Variants in ITGA9 observed in about 807,000 individuals in gnomAD.
The protein encoded by ITGA9 is integrin alpha-9.
A neutral mutation model predicts 127.8 loss-of-function variants in ITGA9; 56 were observed. The observed-to-expected ratio is 0.44, with a 90% confidence interval of 0.35 to 0.55. The LOEUF (loss-of-function observed/expected upper bound fraction) is 0.55. ITGA9 is among the 20% of genes least tolerant of loss of function. The pLI is 0.00. For synonymous variants in ITGA9, 508 were observed against 514.5 expected (o/e 0.99, Z 0.17); for missense variants, 1,196 against 1,347.1 (o/e 0.89, Z 1.76).
At chr3:37,703,000 G>A (rs563220475) in intron 18 of ITGA9, among the ~76,000 whole-genome samples, 87 of 152,172 alleles carry the variant, frequency 5.7e-4, no homozygotes, top group Admixed American at 1.9e-3. Context: ...AGGTGTTGGG[G>A]TAAATAGAGA....
chr3:37,732,605 C>A, intron 18 of ITGA9, 107 bp from the exon 19 acceptor site: 1 of 819,136 alleles, frequency 1.2e-6, no homozygotes, highest in South Asian at 1.5e-5. Context: ...CCCACTGGTG[C>A]CTACCGTCTG....
chr3:37,483,177 T>C (rs1311165446), intron 4 of ITGA9, among the ~76,000 whole-genome samples: 1 of 152,156 alleles, frequency 6.6e-6, no homozygotes, highest in African/African-American at 2.4e-5. Context: ...TCCCAGAAGA[T>C]GACATGTTGT....
chr3:37,815,342 C>T (rs1216874137), intron 27 of ITGA9, among the ~76,000 whole-genome samples: 1 of 152,228 alleles, frequency 6.6e-6, no homozygotes, highest in Non-Finnish European at 1.5e-5. Context: ...GGCGCGGTGG[C>T]TCACGCCTGT....
intron 23 of ITGA9, among the ~76,000 whole-genome samples, chr3:37,756,578 C>T (rs1335207908): frequency 6.6e-6 from 1 of 152,172 alleles, no homozygotes; most frequent in East Asian, 1.9e-4. Flanking sequence ...TAGGAAGTTA[C>T]CTTAACTCCC....
chr3:37,468,006 T>G (rs1021227990), intron 1 of ITGA9, among the ~76,000 whole-genome samples: 2 of 152,170 alleles, frequency 1.3e-5, no homozygotes, highest in Admixed American at 1.3e-4. Flanking sequence ...TGTACGTCAT[T>G]GTGCATTTGA....
chr3:37,642,507 C>G (rs1392473538), intron 16 of ITGA9, among the ~76,000 whole-genome samples: 2 of 152,212 alleles, frequency 1.3e-5, no homozygotes, highest in African/African-American at 4.8e-5. Flanking sequence ...AGAGCTTCTT[C>G]ACTAGCAGAT....
intron 15 of ITGA9, among the ~76,000 whole-genome samples, chr3:37,566,751 A>C (rs1410033627): frequency 6.6e-6 from 1 of 152,220 alleles, no homozygotes; most frequent in African/African-American, 2.4e-5. Flanking sequence ...TGACTGTCTC[A>C]TGAAATAGTG....
At chr3:37,816,539 T>G (rs1314673389) in intron 27 of ITGA9, among the ~76,000 whole-genome samples, 2 of 152,218 alleles carry the variant, frequency 1.3e-5, no homozygotes, top group African/African-American at 4.8e-5. Context: ...TTTCAAGCAG[T>G]AGCTTCTTAG....
At chr3:37,789,902 AT>A in intron 26 of ITGA9, 1 of 658,716 alleles carries the variant, frequency 1.5e-6, no homozygotes, top group Non-Finnish European at 2.5e-6. Flanking sequence ...CACATAGGAA[AT>A]TTTTGTGATT....
intron 15 of ITGA9, among the ~76,000 whole-genome samples, chr3:37,584,082 C>A (rs1252110654): frequency 6.6e-6 from 1 of 152,172 alleles, no homozygotes; most frequent in Non-Finnish European, 1.5e-5. Flanking sequence ...TAACAAACTG[C>A]CCCACAACTC....
intron 8 of ITGA9, among the ~76,000 whole-genome samples, chr3:37,511,452 A>G (rs975856773): frequency 2.6e-5 from 4 of 152,254 alleles, no homozygotes; most frequent in Non-Finnish European, 4.4e-5. Flanking sequence ...TCACATATAG[A>G]GATTTCTAAT....
At chr3:37,557,098 T>G (rs1033523575) in intron 15 of ITGA9, among the ~76,000 whole-genome samples, 2 of 152,240 alleles carry the variant, frequency 1.3e-5, no homozygotes, top group African/African-American at 4.8e-5. Context: ...GTCAGAAATC[T>G]ATTTCCCCTT....
chr3:37,625,925 A>G (rs1346680536), intron 15 of ITGA9, among the ~76,000 whole-genome samples: 11 of 152,148 alleles, frequency 7.2e-5, no homozygotes, highest in Admixed American at 6.5e-4. Flanking sequence ...GGGACATGTA[A>G]TAAGAAGCTG....
chr3:37,537,065 T>C (rs1443160948), intron 14 of ITGA9, among the ~76,000 whole-genome samples: 1 of 152,224 alleles, frequency 6.6e-6, no homozygotes, highest in Admixed American at 6.5e-5. Context: ...AGAACCACTG[T>C]TCAAGGTTAT....
Position 37,535,698 on chromosome 3 carries a change from G to A in ITGA9, c.1528+2230G>A, listed in dbSNP as rs147678102. 4.6e-5 allele frequency among the ~76,000 whole-genome samples: 7 copies of A among 152,286 alleles called. No individual in the cohort carries two copies. In the East Asian group the frequency reaches 1.3e-3, roughly 29 times the overall value. ...TTCCCTATCCTCCATCTGCCACATG[G>A]GTTCATAGATAAAGTCAAACATCCC... On this transcript the variant is annotated intron_variant, in intron 14 of 27. Coordinates refer to ENST00000264741, the MANE Select transcript of ITGA9 (RefSeq NM_002207.3).
chr3:37,659,255 A>G (rs768719684), intron 17 of ITGA9, among the ~76,000 whole-genome samples: 1 of 152,144 alleles, frequency 6.6e-6, no homozygotes, highest in Non-Finnish European at 1.5e-5. Context: ...TCTCCTGGAT[A>G]ATATCCTGAA....
intron 14 of ITGA9, among the ~76,000 whole-genome samples, chr3:37,538,178 A>G (rs1699229763): frequency 6.6e-6 from 1 of 152,214 alleles, no homozygotes; most frequent in Non-Finnish European, 1.5e-5. Context: ...CTGTGTTTCC[A>G]TGGTTAGCCT....
chr3:37,778,238 G>A (rs1242275573), intron 24 of ITGA9, among the ~76,000 whole-genome samples: 1 of 152,198 alleles, frequency 6.6e-6, no homozygotes, highest in Non-Finnish European at 1.5e-5. Flanking sequence ...TGGATGGGAT[G>A]GGGCATGAGG....
At chr3:37,513,994 G>C (rs1698960329) in intron 9 of ITGA9, 94 bp downstream of exon 9, 16 of 1,451,226 alleles carry the variant, frequency 1.1e-5, no homozygotes, top group Non-Finnish European at 1.5e-5. Flanking sequence ...CCGGCACTGG[G>C]GGCAATGTTA....
Sources: allele counts gnomAD v4.1 joint callset (sites outside exome capture counted in the v4.1 genomes callset), GRCh38; gene constraint gnomAD v4.1.1; transcripts MANE v1.5; gene names NCBI Gene and HGNC (gene_info 2026-07-23, HGNC 2026-07-21).